CRPPA: variants seen among roughly 807,000 people sequenced by gnomAD.
The protein encoded by CRPPA is CDP-L-ribitol pyrophosphorylase A.
A neutral mutation model predicts 52.0 loss-of-function variants in CRPPA; 43 were observed. The observed-to-expected ratio is 0.83, with a 90% CI of 0.65 to 1.07. The LOEUF (loss-of-function observed/expected upper bound fraction) is 1.07, where lower values mean the gene tolerates loss of function less well. CRPPA is among the 50% of genes least tolerant of loss of function. The pLI is 0.00. For synonymous variants in CRPPA, 250 were observed against 203.5 expected (o/e 1.23, Z -1.94); for missense variants, 629 against 551.7 (o/e 1.14, Z -1.40).
intron 9 of CRPPA, among the ~76,000 whole-genome samples, chr7:16,111,341 T>C (rs1445111273): frequency 6.6e-6 from 1 of 152,102 alleles, no homozygotes; most frequent in African/African-American, 2.4e-5. Context: ...CATGAATTAG[T>C]ACACTGTGGG....
chr7:16,172,030 C>T (rs1781197834), intron 9 of CRPPA, among the ~76,000 whole-genome samples: 1 of 152,158 alleles, frequency 6.6e-6, no homozygotes, highest in South Asian at 2.1e-4. Flanking sequence ...TTTCAGTTCC[C>T]TATGGTTCAC....
At chr7:16,217,056 A>G (rs1266310044) in intron 8 of CRPPA, among the ~76,000 whole-genome samples, 1 of 151,290 alleles carries the variant, frequency 6.6e-6, no homozygotes, top group African/African-American at 2.4e-5. Context: ...ACAGCTTTGA[A>G]GAGAGCAGTG....
intron 2 of CRPPA, among the ~76,000 whole-genome samples, chr7:16,404,192 T>C (rs1422404980): frequency 6.6e-6 from 1 of 152,224 alleles, no homozygotes; most frequent in Non-Finnish European, 1.5e-5. Flanking sequence ...AGAAACTGTA[T>C]TTCTGAGGTT....
At chr7:16,159,894 C>T (rs1783266297) in intron 9 of CRPPA, among the ~76,000 whole-genome samples, 1 of 151,968 alleles carries the variant, frequency 6.6e-6, no homozygotes, top group East Asian at 1.9e-4. Context: ...TTTTAATGAT[C>T]GCCATTCTCA....
chr7:16,389,714 G>A (rs1787385335), intron 2 of CRPPA, among the ~76,000 whole-genome samples: 1 of 151,426 alleles, frequency 6.6e-6, no homozygotes, highest in Non-Finnish European at 1.5e-5. Flanking sequence ...TCCACTGTTG[G>A]CCATTTCCAG....
At chr7:16,378,313 A>G (rs1320848704) in intron 2 of CRPPA, among the ~76,000 whole-genome samples, 9 of 119,796 alleles carry the variant, frequency 7.5e-5, no homozygotes, top group African/African-American at 3.0e-4. Context: ...TCCTGTGTCC[A>G]TGTGTTCCCA....
intron 3 of CRPPA, among the ~76,000 whole-genome samples, chr7:16,327,328 C>T (rs965281010): frequency 6.6e-6 from 1 of 151,384 alleles, no homozygotes; most frequent in African/African-American, 2.4e-5. Flanking sequence ...CGCGGTGGCT[C>T]ACGCCTGTAA....
intron 9 of CRPPA, 92 bp from the exon 10 acceptor site, chr7:16,091,891 G>C: frequency 1.5e-6 from 1 of 681,484 alleles, no homozygotes; most frequent in Non-Finnish European, 2.3e-6. Context: ...ATCTGCTGCG[G>C]TCTGGATTTG....
chr7:16,409,117 G>C (rs1451106227), intron 1 of CRPPA, among the ~76,000 whole-genome samples: 4 of 152,156 alleles, frequency 2.6e-5, no homozygotes, highest in Non-Finnish European at 5.9e-5. Flanking sequence ...GGCCAGGCTG[G>C]TCTCTAACTC....
At chr7:16,325,347 T>A (rs1785358586) in intron 3 of CRPPA, among the ~76,000 whole-genome samples, 1 of 152,154 alleles carries the variant, frequency 6.6e-6, no homozygotes, top group Non-Finnish European at 1.5e-5. Flanking sequence ...AAAAATAGAT[T>A]TGTCATAAGG....
chr7:16,124,455 T>C (rs1188244506), intron 9 of CRPPA, among the ~76,000 whole-genome samples: 2 of 152,186 alleles, frequency 1.3e-5, no homozygotes. Context: ...TCCTGGAGAA[T>C]ATTAAGTGGA....
intron 9 of CRPPA, among the ~76,000 whole-genome samples, chr7:16,155,723 A>G (rs945391035): frequency 6.6e-6 from 1 of 152,216 alleles, no homozygotes; most frequent in African/African-American, 2.4e-5. Context: ...CTTGCATTCA[A>G]CATTATGCTA....
At position 16,145,130 on chromosome 7, in the gene CRPPA, C is replaced by T. The variant is rs565886137; in HGVS notation, c.1252-53331G>A. Reference sequence around the variant, plus strand: ...TGCTGTCCCTGAAGCAGCATAGTGACCTAGGCTCCATCCCTGTTCTACCAT... The same window carrying T: ...TGCTGTCCCTGAAGCAGCATAGTGATCTAGGCTCCATCCCTGTTCTACCAT... On this transcript the variant is annotated intron_variant, in intron 9 of 9. Transcript: ENST00000407010. 7.9e-5 allele frequency among the ~76,000 whole-genome samples: 12 copies of T among 152,312 alleles called. No individual in the cohort carries two copies. The South Asian group carries it at 2.5e-3, about 32-fold the overall frequency.
At chr7:16,287,791 G>A (rs1784480706) in intron 5 of CRPPA, among the ~76,000 whole-genome samples, 1 of 151,954 alleles carries the variant, frequency 6.6e-6, no homozygotes, top group African/African-American at 2.4e-5. Context: ...GCGTGGTGGT[G>A]TGTGCCTGTA....
At chr7:16,143,831 C>A (rs1448189732) in intron 9 of CRPPA, among the ~76,000 whole-genome samples, 3 of 151,964 alleles carry the variant, frequency 2.0e-5, no homozygotes, top group Admixed American at 2.0e-4. Context: ...CAAGTGGTAA[C>A]CAACACCTCA....
At chr7:16,169,744 G>C (rs1176514244) in intron 9 of CRPPA, among the ~76,000 whole-genome samples, 2 of 152,150 alleles carry the variant, frequency 1.3e-5, no homozygotes, top group African/African-American at 4.8e-5. Flanking sequence ...ACTATATCAG[G>C]AAAGAAAGTC....
At chr7:16,327,879 C>T (rs1182874276) in intron 3 of CRPPA, among the ~76,000 whole-genome samples, 1 of 152,122 alleles carries the variant, frequency 6.6e-6, no homozygotes, top group East Asian at 1.9e-4. Flanking sequence ...TGGAAATACA[C>T]ATCTGATCTA....
chr7:16,130,269 G>A (rs531563400), intron 9 of CRPPA, among the ~76,000 whole-genome samples: 24 of 152,314 alleles, frequency 1.6e-4, no homozygotes, highest in African/African-American at 5.3e-4. Context: ...GCAGGAAGAA[G>A]TAAGCAAAAG....
chr7:16,397,577 T>A (rs560876704), intron 2 of CRPPA, among the ~76,000 whole-genome samples: 404 of 139,614 alleles, frequency 2.9e-3, no homozygotes, highest in Non-Finnish European at 4.8e-3. Context: ...TTGACTGACA[T>A]ATGAGACGTG....
Sources: allele counts gnomAD v4.1 joint callset (sites outside exome capture counted in the v4.1 genomes callset), GRCh38; gene constraint gnomAD v4.1.1; transcripts MANE v1.5; gene names NCBI Gene and HGNC (gene_info 2026-07-23, HGNC 2026-07-21).